Variants in NR1D2 observed in about 807,000 individuals in gnomAD.
NR1D2 encodes the protein nuclear receptor subfamily 1 group D member 2, also known as V-erbA-related protein 1-related.
NR1D2 carries 25 observed loss-of-function variants against 52.2 expected under a neutral mutation model. That is an observed-to-expected ratio of 0.48 (90% CI 0.35 to 0.67). NR1D2 has a LOEUF of 0.67. Among genes scored for constraint, NR1D2 ranks in the 30% least tolerant of loss-of-function variants. The pLI is 0.01. For synonymous variants in NR1D2, 259 were observed against 230.1 expected (o/e 1.13, Z -1.14); for missense variants, 681 against 707.2 (o/e 0.96, Z 0.42).
chr3:23,963,015 GT>G (rs560624460), intron 5 of NR1D2, among the ~76,000 whole-genome samples: 1,521 of 140,858 alleles, frequency 0.011, 18 homozygotes, highest in African/African-American at 0.03. Context: ...ATAGAAAGAG[GT>G]TTTTTTTTTT....
intron 1 of NR1D2, 115 bp from the exon 2 acceptor site, chr3:23,954,422 C>A: frequency 1.1e-6 from 1 of 881,700 alleles, no homozygotes; most frequent in Non-Finnish European, 1.8e-6. Context: ...TGTAAGCAAA[C>A]ATTTCATATC....
chr3:23,958,453 T>A (rs188792405), intron 3 of NR1D2, among the ~76,000 whole-genome samples: 1 of 152,020 alleles, frequency 6.6e-6, no homozygotes, highest in Non-Finnish European at 1.5e-5. Flanking sequence ...GAGACCCACC[T>A]GGGCAACATA....
chr3:23,950,830 C>T (rs1351918002), intron 1 of NR1D2, among the ~76,000 whole-genome samples: 1 of 151,794 alleles, frequency 6.6e-6, no homozygotes, highest in Non-Finnish European at 1.5e-5. Context: ...AGTCCATTGC[C>T]CCGTCAGTGC....
chr3:23,963,510 C>A, intron 5 of NR1D2: 1 of 547,750 alleles, frequency 1.8e-6, no homozygotes, highest in African/African-American at 2.1e-5. Flanking sequence ...AGTGCGGTGG[C>A]GCGACCTCAG....
chr3:23,945,638 G>C, intron 1 of NR1D2, 44 bp downstream of exon 1: 1 of 1,117,624 alleles, frequency 8.9e-7, no homozygotes, highest in Non-Finnish European at 1.1e-6. Flanking sequence ...CGGAGGGAGC[G>C]CTCAGAGCCC....
At chr3:23,946,026 C>CGG (rs1181643001) in intron 1 of NR1D2, 1 of 822,494 alleles carries the variant, frequency 1.2e-6, no homozygotes, top group African/African-American at 1.9e-5. Context: ...CACGTGGGGG[C>CGG]GGGGGCGCGC....
chr3:23,954,910 C>T, intron 2 of NR1D2, 107 bp downstream of exon 2: 2 of 983,752 alleles, frequency 2.0e-6, no homozygotes, highest in Non-Finnish European at 3.1e-6. Flanking sequence ...ACAGTTTTCA[C>T]TCCTTGCTGG....
At chr3:23,946,812 A>G (rs1467421656) in intron 1 of NR1D2, among the ~76,000 whole-genome samples, 3 of 152,248 alleles carry the variant, frequency 2.0e-5, no homozygotes, top group Non-Finnish European at 4.4e-5. Flanking sequence ...TTGCAACGGA[A>G]CAACAGGGTG....
At chr3:23,963,638 C>G (rs1420603259) in intron 5 of NR1D2, among the ~76,000 whole-genome samples, 3 of 151,908 alleles carry the variant, frequency 2.0e-5, no homozygotes, top group African/African-American at 7.3e-5. Context: ...TCAGTAGAGA[C>G]AGGTTTCACC....
chr3:23,949,119 A>T (rs1460373884), intron 1 of NR1D2, among the ~76,000 whole-genome samples: 1 of 152,172 alleles, frequency 6.6e-6, no homozygotes, highest in East Asian at 1.9e-4. Flanking sequence ...TAATCCTAGC[A>T]ATCTGGGAGG....
At chr3:23,950,169 A>G (rs1705886240) in intron 1 of NR1D2, among the ~76,000 whole-genome samples, 1 of 152,218 alleles carries the variant, frequency 6.6e-6, no homozygotes, top group Non-Finnish European at 1.5e-5. Flanking sequence ...GCACTTATGA[A>G]TGCCATTTCA....
At chr3:23,976,018 G>T (rs1272643831) in intron 7 of NR1D2, among the ~76,000 whole-genome samples, 2 of 152,208 alleles carry the variant, frequency 1.3e-5, no homozygotes, top group East Asian at 3.9e-4. Context: ...CCCATGTGGG[G>T]GACCATTGAA....
At chr3:23,961,218 A>G (rs1317543922) in intron 4 of NR1D2, among the ~76,000 whole-genome samples, 2 of 151,660 alleles carry the variant, frequency 1.3e-5, no homozygotes, top group Non-Finnish European at 1.5e-5. Context: ...TGTTCAGGGA[A>G]TGATTTCACC....
chr3:23,959,163 G>A (rs554075381), intron 3 of NR1D2, among the ~76,000 whole-genome samples: 6 of 151,910 alleles, frequency 3.9e-5, no homozygotes, highest in African/African-American at 1.4e-4. Flanking sequence ...AGCTGTTTGT[G>A]AGGCTGTGGT....
Position 23,978,197 on chromosome 3 carries a change from G to A in NR1D2, c.*778G>A, listed in dbSNP as rs1446950400. 1.3e-5 allele frequency: 2 copies of A among 152,066 alleles called. No individual in the cohort carries two copies. The highest frequency in any genetic ancestry group is 4.8e-5 in the African/African-American group (2 of 41,390). The allele number at this position is 152,066 out of a possible 1,614,324, so 9.4% of individuals were successfully genotyped here. Reference sequence around the variant, plus strand: ...TCCTACTGATACACACGTATTCAAAGTTTATGGGTACAACAAAGACATAGT... The same window carrying A: ...TCCTACTGATACACACGTATTCAAAATTTATGGGTACAACAAAGACATAGT... On this transcript the variant is annotated 3_prime_UTR_variant, in exon 8 of 8. Transcript: ENST00000312521.
Position 23,954,695 on chromosome 3 carries a change from G to C in NR1D2, c.175G>C (p.Asp59His). The C allele has an allele frequency of 6.2e-7, 1 of 1,614,098 alleles. No individual in the cohort carries two copies. Among genetic ancestry groups the C allele is most frequent in the Non-Finnish European group, 8.5e-7 (1 of 1,179,974 alleles). ...SDTNGNPKNG[D>H]LANIEGILKN... ...TACCAATGGTAATCCCAAGAATGGTGATCTCGCCAATATTGAAGGCATCTT... is the reference window on the plus strand; with the variant it reads ...TACCAATGGTAATCCCAAGAATGGTCATCTCGCCAATATTGAAGGCATCTT... Residue 59 changes from aspartate (D) to histidine (H), a missense_variant, in exon 2 of 8, where the codon GAT (aspartate) becomes CAT (histidine). By Grantham distance (81) the Asp-to-His change is moderately conservative. This residue lies in a region of NR1D2 where 94 missense variants were observed against 90.4 expected (regional missense o/e 1.04). Coordinates refer to ENST00000312521, the MANE Select transcript of NR1D2 (RefSeq NM_005126.5).
intron 1 of NR1D2, among the ~76,000 whole-genome samples, chr3:23,950,660 A>T (rs1270017989): frequency 6.6e-6 from 1 of 152,172 alleles, no homozygotes; most frequent in Non-Finnish European, 1.5e-5. Context: ...CTACTTCTAG[A>T]TGGGTCTTCT....
At chr3:23,975,610 T>G (rs1192018014) in intron 7 of NR1D2, among the ~76,000 whole-genome samples, 3 of 151,848 alleles carry the variant, frequency 2.0e-5, no homozygotes, top group Non-Finnish European at 2.9e-5. Context: ...AATACGAAAA[T>G]GAGCCAGGTG....
chr3:23,974,878 G>A (rs1022377350), intron 7 of NR1D2, among the ~76,000 whole-genome samples: 15 of 151,548 alleles, frequency 9.9e-5, no homozygotes, highest in African/African-American at 3.6e-4. Flanking sequence ...GAGTGCAGGG[G>A]CATGATCTCG....
Sources: gnomAD v4.1 joint callset for allele counts (sites outside exome capture counted in the v4.1 genomes callset) on GRCh38, gnomAD v4.1.1 for gene constraint, gnomAD v4.1.1 regional missense constraint, MANE v1.5 for transcripts, NCBI Gene and HGNC (gene_info 2026-07-23, HGNC 2026-07-21) for gene names.